The following FAM186A variants were observed in gnomAD, a reference collection of about 807,000 sequenced individuals.
The protein encoded by FAM186A is family with sequence similarity 186 member A.
FAM186A carries 163 observed loss-of-function variants against 216.8 expected under a neutral mutation model. The observed-to-expected ratio is 0.75, with a 90% confidence interval of 0.66 to 0.86. The LOEUF is 0.86. Ranked by LOEUF, FAM186A falls within the 40% of genes least tolerant of loss-of-function variation. The probability of loss-of-function intolerance (pLI) is 0.00; values close to 1 mark genes in which losing one functional copy is unlikely to be tolerated. For synonymous variants in FAM186A, 805 were observed against 1,025.3 expected (o/e 0.79, Z 4.10); for missense variants, 2,184 against 2,746.2 (o/e 0.80, Z 4.58).
At chr12:50,332,721 G>A (rs978247614) in intron 5 of FAM186A, among the ~76,000 whole-genome samples, 23 of 152,092 alleles carry the variant, frequency 1.5e-4, no homozygotes, top group African/African-American at 5.3e-4. Flanking sequence ...ACAAAGAGCT[G>A]TAATATTTAA....
intron 1 of FAM186A, among the ~76,000 whole-genome samples, chr12:50,379,653 G>C (rs1168792446): frequency 6.6e-6 from 1 of 151,576 alleles, no homozygotes; most frequent in East Asian, 1.9e-4. Context: ...GGGCGTAGTG[G>C]AGCATGCCTG....
At chr12:50,392,275 GT>G in intron 1 of FAM186A, 1 of 173,454 alleles carries the variant, frequency 5.8e-6, no homozygotes, top group Non-Finnish European at 1.2e-5. Flanking sequence ...TTGTTTGTTT[GT>G]TTGTTTGTTT....
chr12:50,375,964 G>A (rs1057195657), intron 1 of FAM186A, among the ~76,000 whole-genome samples: 1 of 152,060 alleles, frequency 6.6e-6, no homozygotes, highest in Non-Finnish European at 1.5e-5. Flanking sequence ...AGGGGTGTGT[G>A]AGCAAGCAAG....
intron 4 of FAM186A, among the ~76,000 whole-genome samples, chr12:50,348,038 A>ATTTTTTTTTTT (rs71083540): frequency 1.2e-5 from 1 of 81,340 alleles, no homozygotes; most frequent in Non-Finnish European, 2.2e-5. Flanking sequence ...ATGCCTGGTA[A>ATTTTTTTTTTT]TTTTTTTTTT....
In FAM186A at chr12:50,357,427, G is replaced by C. The variant is rs372878845; in HGVS notation, c.584-1179C>G. ...TGAGGCAGGAGAACCACTTGAACCT[G>C]GGAAGCGGCGGTTGCGGTGAGCCGA... On this transcript the variant is annotated intron_variant, in intron 3 of 7. Transcript: ENST00000327337. 1.2e-3 allele frequency among the ~76,000 whole-genome samples: 184 copies of C among 148,848 alleles called. 2 individuals are homozygous for C. Among genetic ancestry groups the C allele is most frequent in the South Asian group, 8.8e-3 (41 of 4,678 alleles).
Position 50,330,632 on chromosome 12 carries a change from C to G in FAM186A, c.6975G>C (p.Arg2325Ser), listed in dbSNP as rs1253644782. ...TAGACTGCACTTCTAACTGAAGCAGCCTGGGAATATCTGGGTACCCACCCA... is the reference window on the plus strand; with the variant it reads ...TAGACTGCACTTCTAACTGAAGCAGGCTGGGAATATCTGGGTACCCACCCA... ...AQLGGYPDIP[R>S]LLQLEVQSTF... The change falls in exon 7 of 8, where the codon AGG (arginine) becomes AGC (serine). Residue 2325 changes from arginine (R) to serine (S), a missense_variant. Arg to Ser is a moderately radical substitution (Grantham distance 110, BLOSUM62 -1). This residue lies in a region of FAM186A where 721 missense variants were observed against 816.4 expected (regional missense o/e 0.88). Transcript: ENST00000327337. The G allele has an allele frequency of 2.6e-6, 4 of 1,550,586 alleles. No homozygotes were observed. The Middle Eastern group carries it at 5.0e-4, about 194-fold the overall frequency.
At position 50,351,721 on chromosome 12, in the gene FAM186A, G is replaced by C. The variant is rs1417842861; in HGVS notation, c.5111C>G (p.Thr1704Ser). The C allele has an allele frequency of 1.9e-6, 3 of 1,551,416 alleles. No homozygotes were observed. In the East Asian group the frequency reaches 7.3e-5, roughly 38 times the overall value. Residue 1704 changes from threonine (T) to serine (S), a missense_variant, in exon 4 of 8, where the codon ACC becomes AGC. Thr to Ser is a moderately conservative substitution (Grantham distance 58, BLOSUM62 1). Transcript: ENST00000327337. ...ATGGGACCACTGGACTTGCTTAAGGGTGAGGGGCGATCCCAAGGTATGGGC... is the reference window on the plus strand; with the variant it reads ...ATGGGACCACTGGACTTGCTTAAGGCTGAGGGGCGATCCCAAGGTATGGGC... The part of the protein sequence containing the change: ...DKAHTLGSPL[T>S]LKQVQWSHRP...
intron 1 of FAM186A, among the ~76,000 whole-genome samples, chr12:50,364,309 C>T (rs1396907571): frequency 1.3e-5 from 2 of 152,098 alleles, no homozygotes; most frequent in African/African-American, 4.8e-5. Context: ...AATCCCAGCA[C>T]TTTGGGAGGC....
intron 1 of FAM186A, among the ~76,000 whole-genome samples, chr12:50,395,673 A>G (rs1433019801): frequency 1.3e-5 from 2 of 152,136 alleles, no homozygotes; most frequent in East Asian, 3.9e-4. Flanking sequence ...TGAAGTGTAC[A>G]GGGAAAATAA....
intron 2 of FAM186A, among the ~76,000 whole-genome samples, chr12:50,362,795 G>A (rs1943049222): frequency 6.6e-6 from 1 of 150,790 alleles, no homozygotes; most frequent in African/African-American, 2.4e-5. Flanking sequence ...AGTGCCAGGT[G>A]GTAGGGAATG....
chr12:50,378,649 TAC>T (rs1379495749), intron 1 of FAM186A, among the ~76,000 whole-genome samples: 1 of 147,090 alleles, frequency 6.8e-6, no homozygotes, highest in Non-Finnish European at 1.5e-5. Flanking sequence ...TACATATATA[TAC>T]ACACACACAT....
intron 1 of FAM186A, among the ~76,000 whole-genome samples, chr12:50,373,258 G>A (rs1247450969): frequency 6.6e-6 from 1 of 151,986 alleles, no homozygotes; most frequent in Non-Finnish European, 1.5e-5. Flanking sequence ...TTAGCCGGGT[G>A]TGGTGGCACG....
rs142454692 is a variant in FAM186A at position 50,361,776 on chromosome 12, G to C, written c.413-850C>G. ...AGTAGAGATGGAGTTTCACCATGTT[G>C]GCCAGGCTGGTCTCAAACTCCTGAC... On this transcript the variant is annotated intron_variant, in intron 2 of 7. Transcript: ENST00000327337. Among the ~76,000 whole-genome samples the C allele has an allele frequency of 8.9e-3, 1,346 of 151,146 alleles. 16 individuals carry two copies. Among genetic ancestry groups the C allele is most frequent in the African/African-American group, 0.031 (1,256 of 41,166 alleles).
At chr12:50,388,801 T>C (rs1024021023) in intron 1 of FAM186A, among the ~76,000 whole-genome samples, 6 of 151,968 alleles carry the variant, frequency 3.9e-5, no homozygotes, top group African/African-American at 1.4e-4. Context: ...GCCTGTAATC[T>C]TAGCACTTTG....
In FAM186A at chr12:50,355,309, GATTTC is replaced by G; in HGVS notation, c.1518_1522del (p.Met506IlefsTer4). 1 of 1,550,536 alleles carries G rather than the reference GATTTC, an allele frequency of 6.4e-7. No individual in the cohort carries two copies. Among genetic ancestry groups the G allele is most frequent in the South Asian group, 1.2e-5 (1 of 83,780 alleles). On this transcript the variant is annotated frameshift_variant, in exon 4 of 8. Transcript: ENST00000327337. LOFTEE classifies it high-confidence loss of function. ...TGACTTTGATTTATCTTCAGAAAAG[GATTTC>G]ATTTCTTTTCTTTTCTTTTTCAGTA...
chr12:50,357,614 A>C (rs1385322180), intron 3 of FAM186A, among the ~76,000 whole-genome samples: 1 of 152,234 alleles, frequency 6.6e-6, no homozygotes, highest in Non-Finnish European at 1.5e-5. Context: ...CAAAACTGCC[A>C]AAACAACTAT....
In FAM186A at chr12:50,394,732, C is replaced by CTTTTTTTTTTT. The variant is rs71083561; in HGVS notation, c.192+1550_192+1560dup. On this transcript the variant is annotated intron_variant, in intron 1 of 7. Coordinates refer to ENST00000327337, the MANE Select transcript of FAM186A (RefSeq NM_001145475.3). ...TGAGCCACTGTGCCTGGCTAACACTCTTTTTTTTTTTTTTTTTTTTTTTTT... is the reference window on the plus strand; with the variant it reads ...TGAGCCACTGTGCCTGGCTAACACTCTTTTTTTTTTTTTTTTTTTTTTTTTTTTTTTTTTTT... 6.3e-3 allele frequency among the ~76,000 whole-genome samples: 185 copies of CTTTTTTTTTTT among 29,406 alleles called. 51 individuals are homozygous for CTTTTTTTTTTT. Among genetic ancestry groups the CTTTTTTTTTTT allele is most frequent in the African/African-American group, 0.02 (129 of 6,442 alleles). 19.3% of individuals were successfully genotyped at this position (29,406 alleles called of 152,430 possible).
intron 4 of FAM186A, among the ~76,000 whole-genome samples, chr12:50,342,654 T>C (rs149220265): frequency 6.6e-6 from 1 of 151,908 alleles, no homozygotes; most frequent in East Asian, 1.9e-4. Flanking sequence ...TTGTTTGTAT[T>C]TTTAGTAGAG....
intron 7 of FAM186A, among the ~76,000 whole-genome samples, chr12:50,329,115 G>A (rs538998091): frequency 1.1e-4 from 17 of 152,168 alleles, no homozygotes; most frequent in South Asian, 6.2e-4. Flanking sequence ...GGAAGACTCC[G>A]TCTCGAAAAT....
Sources: allele counts gnomAD v4.1 joint callset (sites outside exome capture counted in the v4.1 genomes callset), GRCh38; gene constraint gnomAD v4.1.1; regional missense constraint gnomAD v4.1.1; transcripts MANE v1.5; gene names NCBI Gene and HGNC (gene_info 2026-07-23, HGNC 2026-07-21).